ZNRF3: variants seen among roughly 807,000 people sequenced by gnomAD.
ZNRF3 encodes the protein zinc and ring finger 3.
In ZNRF3, 23 loss-of-function variants were observed where a neutral mutation model predicts 72.5. The observed-to-expected ratio is 0.32, with a 90% CI of 0.23 to 0.45. ZNRF3 has a LOEUF of 0.45. ZNRF3 is among the 20% of genes least tolerant of loss of function. The probability of loss-of-function intolerance (pLI) is 1.00; values close to 1 mark genes in which losing one functional copy is unlikely to be tolerated. For missense variants in ZNRF3, 1,169 were observed against 1,272.1 expected (o/e 0.92, Z 1.23); for synonymous variants, 610 against 545.3 (o/e 1.12, Z -1.65).
In ZNRF3 at chr22:29,053,617, G is replaced by T. The variant is rs757081072; in HGVS notation, c.2806G>T (p.Ala936Ser). Residue 936 changes from alanine (A) to serine (S), a missense_variant, in exon 9 of 9, where the codon GCC (alanine) becomes TCC (serine). Transcript: ENST00000544604. The stretch of plus-strand genomic sequence containing the variant: ...CTCAGCAGACAGCAGCAGCCCGGGA[G>T]CCTGAGCTCAGGAGGAACTCTTACC... The part of the protein sequence containing the change: ...SHSADSSSPG[A>S] The T allele has an allele frequency of 6.2e-7, 1 of 1,613,576 alleles. No homozygotes were observed. Among genetic ancestry groups the T allele is most frequent in the South Asian group, 1.1e-5 (1 of 91,024 alleles).
intron 8 of ZNRF3, among the ~76,000 whole-genome samples, chr22:29,053,309 G>A (rs866619323): frequency 2.6e-5 from 4 of 152,130 alleles, no homozygotes; most frequent in Non-Finnish European, 5.9e-5. Flanking sequence ...GACGCACACC[G>A]GGCACCCAGT....
At chr22:28,915,798 T>G (rs2034397024) in intron 1 of ZNRF3, among the ~76,000 whole-genome samples, 1 of 152,172 alleles carries the variant, frequency 6.6e-6, no homozygotes, top group Non-Finnish European at 1.5e-5. Context: ...CTTTAAGATA[T>G]TTGTCTTTAA....
chr22:28,973,168 CAG>C (rs2035607647), intron 1 of ZNRF3, among the ~76,000 whole-genome samples: 1 of 152,090 alleles, frequency 6.6e-6, no homozygotes. Context: ...TTTGTAGAGA[CAG>C]AGTTTTGCTA....
chr22:28,908,870 C>T (rs1242984390), intron 1 of ZNRF3, among the ~76,000 whole-genome samples: 1 of 152,036 alleles, frequency 6.6e-6, no homozygotes, highest in East Asian at 1.9e-4. Context: ...CAGATGAGGG[C>T]CTGGTGTCTC....
chr22:28,983,947 G>C (rs2123825541), intron 1 of ZNRF3, among the ~76,000 whole-genome samples: 1 of 151,874 alleles, frequency 6.6e-6, no homozygotes, highest in East Asian at 2.0e-4. Flanking sequence ...TTTTCATCTT[G>C]TGGTAGGTAG....
In ZNRF3 at chr22:29,048,597, CTGGACT is replaced by C; in HGVS notation, c.1015+111_1015+116del. ...CTCAGAACCACCGTGGCACTGCCCT[CTGGACT>C]TGGAGGCCTGGCAGCCCTGGGTTTT... On this transcript the variant is annotated intron_variant, in intron 7 of 8. Transcript: ENST00000544604. The surrounding 1 kb of genome is among the most constrained non-coding windows in gnomAD (Gnocchi z 4.9). 1 of 1,172,224 alleles carries C rather than the reference CTGGACT, an allele frequency of 8.5e-7. No homozygotes were observed. Among genetic ancestry groups the C allele is most frequent in the South Asian group, 1.4e-5 (1 of 72,534 alleles). 72.6% of individuals were successfully genotyped at this position (1,172,224 alleles called of 1,614,324 possible).
intron 1 of ZNRF3, among the ~76,000 whole-genome samples, chr22:28,905,434 C>T (rs1057482071): frequency 6.6e-6 from 1 of 152,130 alleles, no homozygotes; most frequent in African/African-American, 2.4e-5. Context: ...TGTTAGACTT[C>T]TTGGCTGAAA....
chr22:29,040,245 T>A (rs1170840944), intron 2 of ZNRF3, among the ~76,000 whole-genome samples: 1 of 151,940 alleles, frequency 6.6e-6, no homozygotes, highest in Non-Finnish European at 1.5e-5. Flanking sequence ...CGTGGTGCGA[T>A]CTCGGCTCAT....
intron 2 of ZNRF3, among the ~76,000 whole-genome samples, chr22:28,996,312 TC>T (rs1366536042): frequency 6.6e-6 from 1 of 152,242 alleles, no homozygotes; most frequent in Non-Finnish European, 1.5e-5. Context: ...GGTGAGGTTT[TC>T]CAGGGACATC....
intron 2 of ZNRF3, chr22:28,992,572 G>A (rs548841441): frequency 1.3e-5 from 2 of 152,224 alleles, no homozygotes; most frequent in South Asian, 4.1e-4. Flanking sequence ...TTGGATCAGG[G>A]GCTCACACTT....
chr22:28,902,462 G>A (rs558824554), intron 1 of ZNRF3, among the ~76,000 whole-genome samples: 18 of 151,620 alleles, frequency 1.2e-4, no homozygotes, highest in African/African-American at 3.4e-4. Context: ...GGTTCGCTAC[G>A]AACTCCCTGT....
Position 29,053,565 on chromosome 22 carries a change from T to A in ZNRF3, c.2768-14T>A, listed in dbSNP as rs778912428. ...CAGCTCCCTCCCCTGATGATTGTTC[T>A]CTCTCTTTCCCAGGACCGAGATCTC... On this transcript the variant is annotated splice_polypyrimidine_tract_variant and intron_variant, in intron 8 of 8. Coordinates refer to ENST00000544604, the MANE Select transcript of ZNRF3 (RefSeq NM_001206998.2). The A allele has an allele frequency of 1.9e-6, 3 of 1,606,416 alleles. No individual in the cohort carries two copies. In the Middle Eastern group the frequency reaches 5.0e-4, roughly 266 times the overall value.
At chr22:29,027,225 C>G (rs1469361263) in intron 2 of ZNRF3, among the ~76,000 whole-genome samples, 1 of 151,816 alleles carries the variant, frequency 6.6e-6, no homozygotes, top group Non-Finnish European at 1.5e-5. Flanking sequence ...GTCTACCCCT[C>G]TATTTTTTAT....
chr22:28,927,124 A>G (rs1161151899), intron 1 of ZNRF3, among the ~76,000 whole-genome samples: 1 of 152,170 alleles, frequency 6.6e-6, no homozygotes, highest in Admixed American at 6.6e-5. Context: ...AAAAAAGTGA[A>G]TAAAACAAGT....
chr22:29,033,506 G>A (rs1251947834), intron 2 of ZNRF3, among the ~76,000 whole-genome samples: 1 of 152,104 alleles, frequency 6.6e-6, no homozygotes, highest in African/African-American at 2.4e-5. Flanking sequence ...GATTGAGAAC[G>A]GTCCCTCTGC....
In ZNRF3 at chr22:29,050,489, G is replaced by A. The variant is rs751781859; in HGVS notation, c.2308G>A (p.Asp770Asn). The change falls in exon 8 of 9, where the codon GAT (aspartate) becomes AAT (asparagine). Residue 770 changes from aspartate (D) to asparagine (N), a missense_variant. Physicochemically the swap from Asp to Asn is conservative, Grantham distance 23 (BLOSUM62 1). Transcript: ENST00000544604. ...GLHPDHLPRT[D>N]GVKYEGLPCC... Reference sequence around the variant, plus strand: ...TCACCCCGACCATTTGCCCAGGACAGATGGGGTGAAATACGAGGGTCTGCC... The same window carrying A: ...TCACCCCGACCATTTGCCCAGGACAAATGGGGTGAAATACGAGGGTCTGCC... The A allele has an allele frequency of 5.6e-6, 9 of 1,612,764 alleles. No homozygotes were observed. Among genetic ancestry groups the A allele is most frequent in the Non-Finnish European group, 7.6e-6 (9 of 1,179,956 alleles).
intron 2 of ZNRF3, among the ~76,000 whole-genome samples, chr22:29,004,678 A>C (rs539134018): frequency 1.4e-4 from 21 of 149,388 alleles, no homozygotes; most frequent in Admixed American, 6.6e-4. Flanking sequence ...GCCCTCCCCC[A>C]GTGGCTTCCC....
At chr22:29,018,835 T>A (rs1196035859) in intron 2 of ZNRF3, among the ~76,000 whole-genome samples, 1 of 152,122 alleles carries the variant, frequency 6.6e-6, no homozygotes, top group Non-Finnish European at 1.5e-5. Context: ...TAGCTTTTGC[T>A]GCATAACAAA....
At chr22:29,021,119 G>A (rs577541643) in intron 2 of ZNRF3, among the ~76,000 whole-genome samples, 1 of 151,786 alleles carries the variant, frequency 6.6e-6, no homozygotes, top group African/African-American at 2.4e-5. Context: ...CTGTAATCCC[G>A]GCTACTCAGA....
Sources: gnomAD v4.1 joint callset for allele counts (sites outside exome capture counted in the v4.1 genomes callset) on GRCh38, gnomAD v4.1.1 for gene constraint, Gnocchi (gnomAD v3.1) non-coding constraint, MANE v1.5 for transcripts, NCBI Gene and HGNC (gene_info 2026-07-23, HGNC 2026-07-21) for gene names.